KICS2: variants seen among roughly 807,000 people sequenced by gnomAD.
KICS2 encodes the protein KICSTOR subunit 2.
In KICS2, 13 loss-of-function variants were observed where a neutral mutation model predicts 31.4. The observed-to-expected ratio is 0.41, with a 90% CI of 0.27 to 0.66. The LOEUF (loss-of-function observed/expected upper bound fraction) is 0.66, where lower values mean the gene tolerates loss of function less well. Among genes scored for constraint, KICS2 ranks in the 30% least tolerant of loss-of-function variants. KICS2 has a pLI of 0.28. For missense variants in KICS2, 455 were observed against 545.4 expected, an observed-to-expected ratio of 0.83 and a Z score of 1.65; for synonymous variants, 209 against 214.8, an observed-to-expected ratio of 0.97 and a Z score of 0.24.
chr12:64,217,851 AAAAGG>A (rs903012550), intron 1 of KICS2, among the ~76,000 whole-genome samples: 11 of 150,706 alleles, frequency 7.3e-5, no homozygotes, highest in Non-Finnish European at 1.3e-4. Flanking sequence ...AGGAAGGAAG[AAAAGG>A]AAAGGAAAGA....
chr12:64,215,484 T>G (rs1434857251), intron 2 of KICS2, among the ~76,000 whole-genome samples, 194 bp downstream of exon 2: 1 of 152,188 alleles, frequency 6.6e-6, no homozygotes, highest in Non-Finnish European at 1.5e-5. Context: ...TTAGCAGCCG[T>G]GTGGTGTTAA....
chr12:64,209,624 C>A (rs139669234), intron 2 of KICS2, among the ~76,000 whole-genome samples: 1 of 152,114 alleles, frequency 6.6e-6, no homozygotes, highest in East Asian at 1.9e-4. Context: ...AAAAAGGAAG[C>A]CTTTTTTAAC....
downstream of KICS2, chr12:64,187,727 G>T (rs1023230313): frequency 3.3e-6 from 4 of 1,229,114 alleles, no homozygotes; most frequent in Non-Finnish European, 4.5e-6. Flanking sequence ...CACATAGCAT[G>T]TTTTTTGTTT....
At chr12:64,215,542 G>T in intron 2 of KICS2, 136 bp downstream of exon 2, 1 of 819,344 alleles carries the variant, frequency 1.2e-6, no homozygotes, top group Non-Finnish European at 1.9e-6. Context: ...TAATGAATAT[G>T]TATAAAATGT....
At chr12:64,217,874 AGAAAG>A (rs1592390088) in intron 1 of KICS2, among the ~76,000 whole-genome samples, 1 of 149,600 alleles carries the variant, frequency 6.7e-6, no homozygotes, top group African/African-American at 2.6e-5. Context: ...AGAAAAGAAA[AGAAAG>A]GAAAGGAAAC....
chr12:64,196,316 G>C (rs2037437423), intron 2 of KICS2, among the ~76,000 whole-genome samples: 1 of 151,764 alleles, frequency 6.6e-6, no homozygotes, highest in Non-Finnish European at 1.5e-5. Flanking sequence ...AGCCTAACTG[G>C]GAGGCACCCC....
At chr12:64,219,306 TG>T (rs1265896774) in intron 1 of KICS2, among the ~76,000 whole-genome samples, 3 of 152,224 alleles carry the variant, frequency 2.0e-5, no homozygotes, top group Admixed American at 1.3e-4. Context: ...AAGAAAAGTA[TG>T]ACCTTCTAAA....
At chr12:64,206,983 C>T (rs1430478835) in intron 2 of KICS2, among the ~76,000 whole-genome samples, 1 of 151,956 alleles carries the variant, frequency 6.6e-6, no homozygotes, top group East Asian at 1.9e-4. Context: ...ATACTTAACA[C>T]TACTGAACTG....
At chr12:64,219,536 CAAAT>C (rs2037659651) in intron 1 of KICS2, among the ~76,000 whole-genome samples, 1 of 152,082 alleles carries the variant, frequency 6.6e-6, no homozygotes, top group African/African-American at 2.4e-5. Flanking sequence ...GCTAAGGCCT[CAAAT>C]AAATACCATC....
In KICS2 at chr12:64,202,659, A is replaced by G. The variant is rs185320357; in HGVS notation, c.522-8001T>C. Among the ~76,000 whole-genome samples the G allele has an allele frequency of 7.9e-3, 1,178 of 148,310 alleles. 17 individuals are homozygous for G. The highest frequency in any genetic ancestry group is 0.026 in the African/African-American group (1,066 of 40,848). Reference sequence around the variant, plus strand: ...TAAATATATATTTATTTTCTACTTGATATTTTCTAATATATATTAAATATA... The same window carrying G: ...TAAATATATATTTATTTTCTACTTGGTATTTTCTAATATATATTAAATATA... On this transcript the variant is annotated intron_variant, in intron 2 of 2. Transcript: ENST00000398055.
chr12:64,219,622 C>A (rs1415224960), intron 1 of KICS2, among the ~76,000 whole-genome samples: 1 of 151,848 alleles, frequency 6.6e-6, no homozygotes, highest in East Asian at 1.9e-4. Context: ...AGTATTCTCA[C>A]AATATACACA....
intron 2 of KICS2, among the ~76,000 whole-genome samples, chr12:64,212,174 A>C (rs2037588309): frequency 6.6e-6 from 1 of 152,186 alleles, no homozygotes; most frequent in South Asian, 2.1e-4. Flanking sequence ...TAATTATTTC[A>C]TGTACCAACC....
intron 2 of KICS2, among the ~76,000 whole-genome samples, chr12:64,196,982 C>T (rs2037446807): frequency 7.3e-6 from 1 of 136,984 alleles, no homozygotes; most frequent in Non-Finnish European, 1.6e-5. Context: ...GATTGGTGTA[C>T]CTGAAAGTGA....
intron 2 of KICS2, among the ~76,000 whole-genome samples, chr12:64,196,533 C>T (rs1352310141): frequency 2.6e-5 from 4 of 151,690 alleles, no homozygotes; most frequent in African/African-American, 4.9e-5. Context: ...AACTCTAAAA[C>T]GCAGAGCGTC....
At chr12:64,195,745 C>T (rs1259838630) in intron 2 of KICS2, among the ~76,000 whole-genome samples, 1 of 152,240 alleles carries the variant, frequency 6.6e-6, no homozygotes, top group African/African-American at 2.4e-5. Flanking sequence ...TGGGTGCACG[C>T]ACCGTGCGCG....
chr12:64,220,632 C>A (rs892092251), intron 1 of KICS2, among the ~76,000 whole-genome samples: 8 of 151,838 alleles, frequency 5.3e-5, no homozygotes, highest in African/African-American at 1.7e-4. Context: ...CTAAATATTA[C>A]CTACCTTCAG....
intron 2 of KICS2, among the ~76,000 whole-genome samples, chr12:64,201,131 T>C (rs2037483474): frequency 6.8e-6 from 1 of 147,534 alleles, no homozygotes; most frequent in South Asian, 2.2e-4. Context: ...CTATAAATCA[T>C]GCTGCTATAA....
At chr12:64,196,417 C>G (rs1203080793) in intron 2 of KICS2, among the ~76,000 whole-genome samples, 2 of 150,226 alleles carry the variant, frequency 1.3e-5, no homozygotes, top group South Asian at 2.1e-4. Context: ...AACTAACAAA[C>G]AGAAAGGACA....
chr12:64,209,863 T>A (rs1418389598), intron 2 of KICS2, among the ~76,000 whole-genome samples: 1 of 152,128 alleles, frequency 6.6e-6, no homozygotes, highest in Non-Finnish European at 1.5e-5. Context: ...GTTATAAGAG[T>A]TCTGACATGG....
Sources: gnomAD v4.1 joint callset for allele counts (sites outside exome capture counted in the v4.1 genomes callset) on GRCh38, gnomAD v4.1.1 for gene constraint, MANE v1.5 for transcripts, NCBI Gene and HGNC (gene_info 2026-07-23, HGNC 2026-07-21) for gene names.